Variants in RNF10 observed in about 807,000 individuals in gnomAD.
RNF10 encodes the protein ring finger protein 10, also known as E3 ubiquitin-protein ligase RNF10.
A neutral mutation model predicts 91.4 loss-of-function variants in RNF10; 38 were observed. That is an observed-to-expected ratio of 0.42 (90% CI 0.32 to 0.54). The LOEUF is 0.54. Among genes scored for constraint, RNF10 ranks in the 20% least tolerant of loss-of-function variants. The pLI is 0.16. For synonymous variants in RNF10, 364 were observed against 366.3 expected (o/e 0.99, Z 0.07); for missense variants, 945 against 1,012.0 (o/e 0.93, Z 0.90).
rs1283167352 is a variant in RNF10, at chr12:120,566,805, G to C, written c.1886-20G>C. ...TTGAATTCTGTAAATGGGTTTACAA[G>C]GGTTATCTTTCCTTTGCAGACCCAG... On this transcript the variant is annotated intron_variant, in intron 12 of 16. Transcript: ENST00000325954. 7 of 1,601,044 alleles carry C rather than the reference G, an allele frequency of 4.4e-6. No individual in the cohort carries two copies. Among genetic ancestry groups the C allele is most frequent in the African/African-American group, 1.4e-5 (1 of 73,758 alleles).
Position 120,546,455 on chromosome 12 carries a change from T to C in RNF10, c.208T>C (p.Ser70Pro), listed in dbSNP as rs1331912672. 1.9e-6 allele frequency: 3 copies of C among 1,614,028 alleles called. No homozygotes were observed. The highest frequency in any genetic ancestry group is 2.5e-6 in the Non-Finnish European group (3 of 1,180,026). ...SKRYNRKREL[S>P]YPKNESFNNQ... ...GCGTTATAATCGCAAACGTGAACTT[T>C]CCTACCCCAAAAATGAAAGTTTTAA... Residue 70 changes from serine to proline, a missense_variant, in exon 2 of 17, where the codon TCC becomes CCC. By Grantham distance (74) the Ser-to-Pro change is moderately conservative (BLOSUM62 -1). Transcript: ENST00000325954.
intron 1 of RNF10, among the ~76,000 whole-genome samples, chr12:120,542,376 A>G (rs1295064036): frequency 6.6e-6 from 1 of 151,974 alleles, no homozygotes; most frequent in African/African-American, 2.4e-5. Context: ...CTGGTCGCAA[A>G]CTCGTGGACT....
chr12:120,556,823 C>T (rs1011797919), intron 4 of RNF10, among the ~76,000 whole-genome samples: 2 of 151,746 alleles, frequency 1.3e-5, no homozygotes, highest in African/African-American at 2.4e-5. Flanking sequence ...TTATATTTAA[C>T]GGTTATTATG....
chr12:120,565,234 G>C (rs751120719), intron 11 of RNF10, 45 bp downstream of exon 11: 1 of 1,390,416 alleles, frequency 7.2e-7, no homozygotes, highest in Admixed American at 1.7e-5. Context: ...AGGGTTCAGG[G>C]ATTCTTGTGG....
intron 12 of RNF10, among the ~76,000 whole-genome samples, chr12:120,566,416 T>C (rs527449664): frequency 1.3e-5 from 2 of 152,294 alleles, no homozygotes; most frequent in African/African-American, 4.8e-5. Context: ...GTCTGCATCC[T>C]CTAGACCTTT....
At chr12:120,551,762 TGA>T (rs2137173442) in intron 2 of RNF10, among the ~76,000 whole-genome samples, 1 of 152,276 alleles carries the variant, frequency 6.6e-6, no homozygotes, top group South Asian at 2.1e-4. Context: ...CCTGAGTGGC[TGA>T]GAGTGCAGGT....
intron 1 of RNF10, among the ~76,000 whole-genome samples, chr12:120,537,131 G>C (rs986613350): frequency 1.3e-5 from 2 of 151,924 alleles, no homozygotes; most frequent in Non-Finnish European, 2.9e-5. Flanking sequence ...CCAGGAGTTC[G>C]AGACCCTGTC....
intron 1 of RNF10, 86 bp from the exon 2 acceptor site, chr12:120,546,319 C>A: frequency 7.8e-7 from 1 of 1,285,396 alleles, no homozygotes; most frequent in Non-Finnish European, 1.1e-6. Context: ...CCTATTCACC[C>A]TTATTTTTTG....
chr12:120,566,348 T>A (rs775798866), intron 12 of RNF10, among the ~76,000 whole-genome samples: 8 of 152,186 alleles, frequency 5.3e-5, no homozygotes, highest in Non-Finnish European at 7.3e-5. Flanking sequence ...AGAACAAGGT[T>A]AACTATATTA....
chr12:120,548,186 C>A (rs762680687), intron 2 of RNF10, among the ~76,000 whole-genome samples: 8 of 152,112 alleles, frequency 5.3e-5, no homozygotes, highest in African/African-American at 9.7e-5. Context: ...ATTGAAATTC[C>A]TATTTGATAA....
At chr12:120,551,297 T>TTTG (rs1258573057) in intron 2 of RNF10, among the ~76,000 whole-genome samples, 3 of 133,070 alleles carry the variant, frequency 2.3e-5, no homozygotes, top group African/African-American at 7.8e-5. Context: ...AGTGTTTTTT[T>TTTG]TTTTTTTTTT....
At chr12:120,560,154 G>GT (rs71076633) in intron 6 of RNF10, among the ~76,000 whole-genome samples, 40,623 of 132,194 alleles carry the variant, frequency 0.31, 6,690 homozygotes, top group East Asian at 0.5. Context: ...GGTTTTTTTT[G>GT]TTTTTTTTTT....
At chr12:120,570,045 C>T (rs927013874) in intron 13 of RNF10, among the ~76,000 whole-genome samples, 1 of 151,960 alleles carries the variant, frequency 6.6e-6, no homozygotes. Flanking sequence ...GCCACCATGC[C>T]TGGCTAATTT....
intron 2 of RNF10, among the ~76,000 whole-genome samples, chr12:120,550,064 C>A (rs1321788383): frequency 6.6e-6 from 1 of 152,132 alleles, no homozygotes; most frequent in East Asian, 1.9e-4. Context: ...TGTAATCATA[C>A]ATTTTCTAGC....
intron 1 of RNF10, among the ~76,000 whole-genome samples, chr12:120,545,331 G>A (rs1872156053): frequency 6.7e-6 from 1 of 148,812 alleles, no homozygotes. Context: ...ACAGGTGCCC[G>A]CCACCATGCC....
intron 1 of RNF10, among the ~76,000 whole-genome samples, chr12:120,536,900 TAAAATA>T (rs1225100187): frequency 2.0e-5 from 3 of 152,192 alleles, no homozygotes; most frequent in African/African-American, 7.2e-5. Flanking sequence ...TGTGACAACT[TAAAATA>T]AAACAAACAA....
At chr12:120,565,681 C>CA in intron 12 of RNF10, 152 bp downstream of exon 12, 1 of 654,572 alleles carries the variant, frequency 1.5e-6, no homozygotes. Context: ...GGCTTGCTTG[C>CA]AAATATAATG....
chr12:120,567,864 T>G (rs528083108), intron 13 of RNF10, among the ~76,000 whole-genome samples: 77 of 81,440 alleles, frequency 9.5e-4, no homozygotes, highest in Admixed American at 4.4e-3. Flanking sequence ...ATTATGGGTG[T>G]GTGTGTGTGT....
intron 1 of RNF10, among the ~76,000 whole-genome samples, chr12:120,540,426 G>A (rs765908198): frequency 2.6e-5 from 4 of 152,006 alleles, no homozygotes; most frequent in Non-Finnish European, 4.4e-5. Context: ...GATATTTTTT[G>A]TTTTCCAAAA....
Sources: allele counts gnomAD v4.1 joint callset (sites outside exome capture counted in the v4.1 genomes callset), GRCh38; gene constraint gnomAD v4.1.1; transcripts MANE v1.5; gene names NCBI Gene and HGNC (gene_info 2026-07-23, HGNC 2026-07-21).